The following KIRREL3 variants were observed in gnomAD, a reference collection of about 807,000 sequenced individuals.
The protein encoded by KIRREL3 is kin of IRRE-like protein 3.
Under a neutral mutation model 89.7 loss-of-function variants are expected in KIRREL3, and 36 were observed. That is an observed-to-expected ratio of 0.40 (90% CI 0.31 to 0.53). The LOEUF (loss-of-function observed/expected upper bound fraction) is 0.53. Among genes scored for constraint, KIRREL3 ranks in the 20% least tolerant of loss-of-function variants. KIRREL3 has a pLI of 0.49. For missense variants in KIRREL3, 864 were observed against 1,056.6 expected, an observed-to-expected ratio of 0.82 and a Z score of 2.53; for synonymous variants, 445 against 441.4, an observed-to-expected ratio of 1.01 and a Z score of -0.10.
chr11:126,937,303 T>C (rs1948230934), intron 1 of KIRREL3, among the ~76,000 whole-genome samples: 2 of 152,236 alleles, frequency 1.3e-5, no homozygotes, highest in Non-Finnish European at 2.9e-5. Flanking sequence ...CACTTGCCAG[T>C]TGACTGGCCT....
Position 126,976,948 on chromosome 11 carries a change from A to G in KIRREL3, c.55+23507T>C, listed in dbSNP as rs1188237989. 6.6e-6 allele frequency among the ~76,000 whole-genome samples: 1 copy of G among 152,122 alleles called. No individual in the cohort carries two copies. Among genetic ancestry groups the G allele is most frequent in the African/African-American group, 2.4e-5 (1 of 41,424 alleles). On this transcript the variant is annotated intron_variant, in intron 1 of 16. Coordinates refer to ENST00000525144, the MANE Select transcript of KIRREL3 (RefSeq NM_032531.4). This position sits in a 1 kb window ranked among gnomAD's most constrained non-coding sequence, Gnocchi z 4.2. ...TTTTAATTCCTTCTCAATTCAGCTG[A>G]TCGTCCCTCAACTATGAACAGCACG... is the stretch of plus-strand genomic sequence containing the variant.
intron 2 of KIRREL3, among the ~76,000 whole-genome samples, chr11:126,536,240 G>C (rs1937859164): frequency 6.6e-6 from 1 of 151,968 alleles, no homozygotes; most frequent in Non-Finnish European, 1.5e-5. Flanking sequence ...GGGGTCCAAA[G>C]GCCTTGGTAC....
chr11:126,453,379 G>A (rs898925187), intron 7 of KIRREL3, among the ~76,000 whole-genome samples: 2 of 152,102 alleles, frequency 1.3e-5, no homozygotes, highest in African/African-American at 4.8e-5. Flanking sequence ...ATGCCACCCA[G>A]GCCTCCTTTC....
intron 4 of KIRREL3, among the ~76,000 whole-genome samples, chr11:126,502,730 A>G (rs1481015942): frequency 6.6e-6 from 1 of 152,252 alleles, no homozygotes; most frequent in African/African-American, 2.4e-5. Flanking sequence ...CTCTAAGCCC[A>G]GCTTCTGGCT....
intron 1 of KIRREL3, among the ~76,000 whole-genome samples, chr11:126,737,878 A>T (rs1357249683): frequency 2.6e-5 from 4 of 152,178 alleles, no homozygotes. Flanking sequence ...AAACATTCCA[A>T]TTCTACTCTT....
rs563462719 is a variant in KIRREL3, at chr11:126,764,984, A to C, written c.56-202072T>G. On this transcript the variant is annotated intron_variant, in intron 1 of 16. Transcript: ENST00000525144. The surrounding 1 kb of genome is among the most constrained non-coding windows in gnomAD (Gnocchi z 4.2). ...TATTTTGGAAACTTTTGAGGGTACA[A>C]ATAGTATACAGGTCAAAAAGTAAAA... 2.0e-4 allele frequency among the ~76,000 whole-genome samples: 31 copies of C among 152,348 alleles called. 1 individual carries two copies. In the South Asian group the frequency reaches 6.2e-3, roughly 31 times the overall value.
chr11:126,464,232 G>A (rs7926275), intron 5 of KIRREL3, among the ~76,000 whole-genome samples: 95,188 of 151,264 alleles, frequency 0.63, 30,375 homozygotes, highest in East Asian at 0.82. Flanking sequence ...AGTCTGCTGG[G>A]TGTGGAGGCT....
At chr11:126,626,089 G>A (rs1268669252) in intron 1 of KIRREL3, among the ~76,000 whole-genome samples, 1 of 152,212 alleles carries the variant, frequency 6.6e-6, no homozygotes, top group Non-Finnish European at 1.5e-5. Flanking sequence ...CTGGGGTAGG[G>A]ACTATCAGTA....
At chr11:126,914,096 G>T (rs1946939663) in intron 1 of KIRREL3, among the ~76,000 whole-genome samples, 1 of 152,218 alleles carries the variant, frequency 6.6e-6, no homozygotes, top group African/African-American at 2.4e-5. Flanking sequence ...ATGTGAGCAG[G>T]TGTTTGAATG....
At chr11:126,500,295 T>C (rs1957813476) in intron 4 of KIRREL3, among the ~76,000 whole-genome samples, 1 of 152,164 alleles carries the variant, frequency 6.6e-6, no homozygotes. Context: ...TTAATTTAAA[T>C]TTAAATAGCC....
chr11:126,797,168 G>A lies in KIRREL3; in HGVS notation c.55+203287C>T, dbSNP rs1226953909. Among the ~76,000 whole-genome samples the A allele has an allele frequency of 3.3e-5, 5 of 152,106 alleles. No homozygotes were observed. Among genetic ancestry groups the A allele is most frequent in the Non-Finnish European group, 7.4e-5 (5 of 68,018 alleles). On this transcript the variant is annotated intron_variant, in intron 1 of 16. Coordinates refer to ENST00000525144, the MANE Select transcript of KIRREL3 (RefSeq NM_032531.4). The surrounding 1 kb of genome is among the most constrained non-coding windows in gnomAD (Gnocchi z 4.9). ...CTTGGGGATGTGGCACTGAATTTGG[G>A]GCTGTGTTACTGTGCAGGGAATATG...
chr11:126,562,181 G>A lies in KIRREL3; in HGVS notation c.133+654C>T, dbSNP rs1306726863. Among the ~76,000 whole-genome samples the A allele has an allele frequency of 6.6e-6, 1 of 152,190 alleles. No individual in the cohort carries two copies. Among genetic ancestry groups the A allele is most frequent in the Admixed American group, 6.5e-5 (1 of 15,286 alleles). ...CAGATGGCTAGGGATGGAGAGGATTGGTTCTTTATTACAGCAGACCCGTAA... is the reference window on the plus strand; with the variant it reads ...CAGATGGCTAGGGATGGAGAGGATTAGTTCTTTATTACAGCAGACCCGTAA... On this transcript the variant is annotated intron_variant, in intron 2 of 16. Coordinates refer to ENST00000525144, the MANE Select transcript of KIRREL3 (RefSeq NM_032531.4). This position sits in a 1 kb window ranked among gnomAD's most constrained non-coding sequence, Gnocchi z 4.7.
At chr11:126,853,077 CT>C (rs201070822) in intron 1 of KIRREL3, among the ~76,000 whole-genome samples, 2 of 151,284 alleles carry the variant, frequency 1.3e-5, no homozygotes, top group Admixed American at 6.6e-5. Context: ...TGTGTTGTTG[CT>C]TTTTTTTTAA....
intron 1 of KIRREL3, among the ~76,000 whole-genome samples, chr11:126,960,098 C>T (rs1245809973): frequency 1.3e-5 from 2 of 152,036 alleles, no homozygotes; most frequent in East Asian, 3.9e-4. Context: ...AATGACTTCC[C>T]TTGGAAGTCC....
chr11:126,774,382 G>A lies in KIRREL3; in HGVS notation c.56-211470C>T, dbSNP rs765608558. Among the ~76,000 whole-genome samples, 16 of 152,096 alleles carry A rather than the reference G, an allele frequency of 1.1e-4. No individual in the cohort carries two copies. The South Asian group carries it at 1.7e-3, about 16-fold the overall frequency. On this transcript the variant is annotated intron_variant, in intron 1 of 16. Coordinates refer to ENST00000525144, the MANE Select transcript of KIRREL3 (RefSeq NM_032531.4). The stretch of plus-strand genomic sequence containing the variant: ...CTAGAGCTTGCACACTGGTTCCCCC[G>A]TGGCAGGAGAGTGGGGCCTCCTTGG...
chr11:126,931,552 C>A lies in KIRREL3; in HGVS notation c.55+68903G>T, dbSNP rs771259844. ...CTTCTGAAGGCTCCCTTAAGTAAGC[C>A]CTCTTGGCTAGTCATTCTAGAGAAT... On this transcript the variant is annotated intron_variant, in intron 1 of 16. Coordinates refer to ENST00000525144, the MANE Select transcript of KIRREL3 (RefSeq NM_032531.4). This position sits in a 1 kb window ranked among gnomAD's most constrained non-coding sequence, Gnocchi z 5.1. 2.0e-5 allele frequency among the ~76,000 whole-genome samples: 3 copies of A among 152,172 alleles called. No homozygotes were observed. Among genetic ancestry groups the A allele is most frequent in the Non-Finnish European group, 4.4e-5 (3 of 68,040 alleles).
rs1947086722 is a variant in KIRREL3, at chr11:126,917,466, A to G, written c.55+82989T>C. 6.6e-6 allele frequency among the ~76,000 whole-genome samples: 1 copy of G among 151,694 alleles called. No homozygotes were observed. The highest frequency in any genetic ancestry group is 6.6e-5 in the Admixed American group (1 of 15,240). On this transcript the variant is annotated intron_variant, in intron 1 of 16. Coordinates refer to ENST00000525144, the MANE Select transcript of KIRREL3 (RefSeq NM_032531.4). This position sits in a 1 kb window ranked among gnomAD's most constrained non-coding sequence, Gnocchi z 5.0. Reference sequence around the variant, plus strand: ...TAAAATGTCAAATTTCATGTTGTATATATTTTACCACAATAAAAAAATTAA... The same window carrying G: ...TAAAATGTCAAATTTCATGTTGTATGTATTTTACCACAATAAAAAAATTAA...
At chr11:126,701,427 C>T (rs1300908843) in intron 1 of KIRREL3, among the ~76,000 whole-genome samples, 1 of 151,954 alleles carries the variant, frequency 6.6e-6, no homozygotes, top group Admixed American at 6.6e-5. Context: ...CTAAGAGGGA[C>T]AGCAGGGAGG....
At chr11:126,826,334 A>G (rs1293349301) in intron 1 of KIRREL3, among the ~76,000 whole-genome samples, 1 of 152,184 alleles carries the variant, frequency 6.6e-6, no homozygotes, top group Non-Finnish European at 1.5e-5. Flanking sequence ...GAATAAATGA[A>G]TTACTAGTCA....
Sources: allele counts gnomAD v4.1 joint callset (sites outside exome capture counted in the v4.1 genomes callset), GRCh38; gene constraint gnomAD v4.1.1; non-coding constraint Gnocchi (gnomAD v3.1); transcripts MANE v1.5; gene names NCBI Gene and HGNC (gene_info 2026-07-23, HGNC 2026-07-21).